EXT1: variants seen among roughly 807,000 people sequenced by gnomAD.
EXT1 encodes exostosin glycosyltransferase 1.
Under a neutral mutation model 82.5 loss-of-function variants are expected in EXT1, and 20 were observed. That is an observed-to-expected ratio of 0.24 (90% confidence interval 0.17 to 0.35). EXT1 has a LOEUF of 0.35. EXT1 is among the 10% of genes least tolerant of loss of function. EXT1 has a pLI of 1.00. For synonymous variants in EXT1, 348 were observed against 350.8 expected, an observed-to-expected ratio of 0.99 and a Z score of 0.09; for missense variants, 757 against 936.5, an observed-to-expected ratio of 0.81 and a Z score of 2.50.
chr8:117,982,237 C>T (rs563778770), intron 1 of EXT1, among the ~76,000 whole-genome samples: 2 of 152,168 alleles, frequency 1.3e-5, no homozygotes, highest in South Asian at 2.1e-4. Flanking sequence ...CAGTTCCTTG[C>T]GGGTGTAAGA....
chr8:117,895,955 T>C (rs1813328400), intron 1 of EXT1, among the ~76,000 whole-genome samples: 1 of 152,206 alleles, frequency 6.6e-6, no homozygotes, highest in Admixed American at 6.5e-5. Context: ...TTGGCCTACC[T>C]GATTTACAGA....
intron 1 of EXT1, among the ~76,000 whole-genome samples, chr8:118,083,538 C>G (rs916644613): frequency 6.6e-6 from 1 of 152,116 alleles, no homozygotes; most frequent in Non-Finnish European, 1.5e-5. Flanking sequence ...CAGACAGGTT[C>G]TCTGCCTATG....
intron 1 of EXT1, among the ~76,000 whole-genome samples, chr8:118,073,647 G>T (rs1277741896): frequency 1.0e-5 from 1 of 97,120 alleles, no homozygotes; most frequent in African/African-American, 3.9e-5. Flanking sequence ...GAGAAGAGAA[G>T]AGAAGAGAAG....
At chr8:117,807,512 C>A in intron 8 of EXT1, 135 bp from the exon 9 acceptor site, 1 of 956,678 alleles carries the variant, frequency 1.0e-6, no homozygotes, top group Non-Finnish European at 1.6e-6. Context: ...TATTCATCAG[C>A]AAATTAAACT....
chr8:118,036,015 GC>G (rs1563635984), intron 1 of EXT1, among the ~76,000 whole-genome samples: 1 of 151,550 alleles, frequency 6.6e-6, no homozygotes, highest in Non-Finnish European at 1.5e-5. Context: ...AAACACTTAG[GC>G]AGTAATGACC....
Position 118,015,095 on chromosome 8 carries a change from G to A in EXT1, c.962+94990C>T, listed in dbSNP as rs577168964. Among the ~76,000 whole-genome samples the A allele has an allele frequency of 6.6e-5, 10 of 152,126 alleles. No individual in the cohort carries two copies. In the South Asian group the frequency reaches 8.3e-4, roughly 13 times the overall value. On this transcript the variant is annotated intron_variant, in intron 1 of 10. Transcript: ENST00000378204. ...TTACTGACTCAATTCATTTTCCTTC[G>A]AACTGCAAGACAGATTAATCTAAAA...
At chr8:118,073,177 T>C (rs935873309) in intron 1 of EXT1, among the ~76,000 whole-genome samples, 9 of 152,236 alleles carry the variant, frequency 5.9e-5, no homozygotes, top group African/African-American at 2.2e-4. Flanking sequence ...TAGGAGTCTG[T>C]ACAAATTTTT....
intron 1 of EXT1, among the ~76,000 whole-genome samples, chr8:117,925,369 A>C (rs895051725): frequency 1.2e-4 from 18 of 151,988 alleles, no homozygotes; most frequent in Non-Finnish European, 2.2e-4. Context: ...CAAAAAAAAA[A>C]AACAAACCTT....
intron 1 of EXT1, among the ~76,000 whole-genome samples, chr8:117,977,147 G>A: frequency 6.6e-6 from 1 of 152,186 alleles, no homozygotes; most frequent in East Asian, 1.9e-4. Flanking sequence ...AGCACTTTGG[G>A]AGGCCGAGGT....
At chr8:118,040,072 G>GC (rs1395746487) in intron 1 of EXT1, among the ~76,000 whole-genome samples, 2 of 152,096 alleles carry the variant, frequency 1.3e-5, no homozygotes, top group Non-Finnish European at 2.9e-5. Context: ...AAGCAGAAAG[G>GC]CCCAGTGTTT....
chr8:117,925,705 C>CAAAAAAAAAA (rs3049788), intron 1 of EXT1, among the ~76,000 whole-genome samples: 2 of 98,632 alleles, frequency 2.0e-5, no homozygotes, highest in African/African-American at 3.7e-5. Flanking sequence ...CCTGTCTCTA[C>CAAAAAAAAAA]AAAAAAAAAA....
At chr8:117,939,614 G>A (rs550509868) in intron 1 of EXT1, among the ~76,000 whole-genome samples, 6 of 151,776 alleles carry the variant, frequency 4.0e-5, no homozygotes, top group African/African-American at 1.4e-4. Flanking sequence ...AATAGTGAAG[G>A]TGAGAAAATT....
chr8:118,015,788 G>A (rs952770581), intron 1 of EXT1, among the ~76,000 whole-genome samples: 1 of 152,190 alleles, frequency 6.6e-6, no homozygotes, highest in Non-Finnish European at 1.5e-5. Context: ...TGTCACCCCA[G>A]CCTGGAGTGG....
intron 1 of EXT1, among the ~76,000 whole-genome samples, chr8:118,105,595 G>A (rs1218428373): frequency 3.3e-5 from 5 of 152,148 alleles, no homozygotes; most frequent in Admixed American, 2.0e-4. Flanking sequence ...TCAGAATCTC[G>A]GTGTCAGAAG....
intron 1 of EXT1, among the ~76,000 whole-genome samples, chr8:118,026,862 GGA>G (rs1563633208): frequency 6.6e-6 from 1 of 152,160 alleles, no homozygotes; most frequent in Non-Finnish European, 1.5e-5. Context: ...TGGTCCATTT[GGA>G]AACACAAAAC....
chr8:117,884,576 C>T (rs757863107), intron 1 of EXT1, among the ~76,000 whole-genome samples: 67 of 152,196 alleles, frequency 4.4e-4, no homozygotes, highest in Non-Finnish European at 6.9e-4. Context: ...CTTCAAATTA[C>T]CGTTGTATCA....
rs1261851041 is a variant in EXT1 at position 117,796,024 on chromosome 8, G to A, written c.*3688C>T. ...CCAAGAATGACAAAACCAACTGAAAGGTTCTTGTCCATAGTCGCTGTAAAG... is the reference window on the plus strand; with the variant it reads ...CCAAGAATGACAAAACCAACTGAAAAGTTCTTGTCCATAGTCGCTGTAAAG... On this transcript the variant is annotated 3_prime_UTR_variant, in exon 11 of 11. Coordinates refer to ENST00000378204, the MANE Select transcript of EXT1 (RefSeq NM_000127.3). 6.6e-6 allele frequency: 1 copy of A among 152,174 alleles called. No individual in the cohort carries two copies. The highest frequency in any genetic ancestry group is 1.5e-5 in the Non-Finnish European group (1 of 68,040). The allele number at this position is 152,174 out of a possible 1,614,324, so 9.4% of individuals were successfully genotyped here.
chr8:117,948,223 C>T (rs556353869), intron 1 of EXT1, among the ~76,000 whole-genome samples: 1 of 143,644 alleles, frequency 7.0e-6, no homozygotes, highest in South Asian at 2.2e-4. Context: ...GAAGTAGTAG[C>T]AGGTTGGTCT....
In EXT1 at chr8:117,809,226, T is replaced by C. The variant is rs953696635; in HGVS notation, c.1723-1849A>G. 3.9e-4 allele frequency among the ~76,000 whole-genome samples: 52 copies of C among 133,822 alleles called. 2 individuals carry two copies. The highest frequency in any genetic ancestry group is 1.3e-3 in the African/African-American group (50 of 38,312). 87.8% of individuals were successfully genotyped at this position (133,822 alleles called of 152,430 possible). ...ATGTGTGTGTGTGTATAAATATATA[T>C]ATATATATATATATATATTATGTTC... On this transcript the variant is annotated intron_variant, in intron 8 of 10. Coordinates refer to ENST00000378204, the MANE Select transcript of EXT1 (RefSeq NM_000127.3).
Sources: gnomAD v4.1 joint callset for allele counts (sites outside exome capture counted in the v4.1 genomes callset) on GRCh38, gnomAD v4.1.1 for gene constraint, MANE v1.5 for transcripts, NCBI Gene and HGNC (gene_info 2026-07-23, HGNC 2026-07-21) for gene names.